Variants in EYS observed in about 807,000 individuals in gnomAD.
EYS encodes the protein protein eyes shut homolog.
In EYS, 250 loss-of-function variants were observed where a neutral mutation model predicts 282.1. The ratio of observed to expected loss-of-function variants is 0.89; its 90% CI spans 0.80 to 0.98. The LOEUF is 0.98. Ranked by LOEUF, EYS falls within the 50% of genes least tolerant of loss-of-function variation. The pLI is 0.00. For missense variants in EYS, 4,016 were observed against 3,709.0 expected, an observed-to-expected ratio of 1.08 and a Z score of -2.15; for synonymous variants, 1,355 against 1,282.9, an observed-to-expected ratio of 1.06 and a Z score of -1.20.
intron 26 of EYS, among the ~76,000 whole-genome samples, chr6:64,486,823 G>T (rs1776591379): frequency 6.6e-6 from 1 of 151,276 alleles, no homozygotes; most frequent in African/African-American, 2.4e-5. Context: ...TTTTAAGAGA[G>T]ATAACTAGGG....
intron 30 of EYS, among the ~76,000 whole-genome samples, chr6:64,275,793 A>AAAAAT (rs1330984977): frequency 2.8e-5 from 2 of 70,760 alleles, no homozygotes; most frequent in African/African-American, 1.4e-4. Context: ...GTGTCTACTA[A>AAAAAT]AAAAATAAAA....
chr6:64,753,016 A>G (rs1226398861), intron 22 of EYS, among the ~76,000 whole-genome samples: 4 of 152,150 alleles, frequency 2.6e-5, no homozygotes, highest in Admixed American at 6.5e-5. Flanking sequence ...TTAATACATG[A>G]AGGAGAAATA....
intron 2 of EYS, among the ~76,000 whole-genome samples, chr6:65,528,418 T>C (rs770798219): frequency 2.0e-5 from 3 of 152,332 alleles, no homozygotes; most frequent in South Asian, 2.1e-4. Flanking sequence ...ATGGTTTGAA[T>C]GTCTGTTGCG....
At chr6:64,816,541 C>G (rs971575428) in intron 21 of EYS, among the ~76,000 whole-genome samples, 1 of 152,082 alleles carries the variant, frequency 6.6e-6, no homozygotes, top group Non-Finnish European at 1.5e-5. Flanking sequence ...TCGTGATAGG[C>G]TTTCCCTAAC....
intron 11 of EYS, among the ~76,000 whole-genome samples, chr6:65,312,512 T>G (rs971760491): frequency 2.0e-5 from 3 of 152,138 alleles, no homozygotes; most frequent in Non-Finnish European, 2.9e-5. Context: ...ACTCTATAAG[T>G]GCCATGAAAA....
At chr6:65,483,906 C>T (rs1339139691) in intron 5 of EYS, among the ~76,000 whole-genome samples, 1 of 152,046 alleles carries the variant, frequency 6.6e-6, no homozygotes. Context: ...AAACCATCGG[C>T]TCTCGTGAGA....
chr6:64,692,976 G>GGTTTTTTTTT (rs1583048324), intron 22 of EYS, among the ~76,000 whole-genome samples: 1 of 3,068 alleles, frequency 3.3e-4, no homozygotes, highest in African/African-American at 5.7e-4. Flanking sequence ...GGCTGCTTGG[G>GGTTTTTTTTT]CTTTTTTTTT....
chr6:64,787,571 A>C (rs1774063722), intron 22 of EYS, among the ~76,000 whole-genome samples: 1 of 151,724 alleles, frequency 6.6e-6, no homozygotes, highest in African/African-American at 2.4e-5. Context: ...GCCCTTCACA[A>C]TCTAAAAATG....
At chr6:63,922,040 T>G (rs1764586936) in intron 35 of EYS, among the ~76,000 whole-genome samples, 1 of 152,144 alleles carries the variant, frequency 6.6e-6, no homozygotes, top group Non-Finnish European at 1.5e-5. Flanking sequence ...ACACACAGCC[T>G]TCGAGGAAAG....
chr6:64,288,855 T>C (rs1768595213), intron 30 of EYS, among the ~76,000 whole-genome samples: 1 of 152,108 alleles, frequency 6.6e-6, no homozygotes, highest in South Asian at 2.1e-4. Context: ...ACATAGTCGC[T>C]AAATCTAGCC....
intron 28 of EYS, among the ~76,000 whole-genome samples, chr6:64,429,620 G>T (rs1019518821): frequency 1.1e-4 from 16 of 152,126 alleles, no homozygotes; most frequent in Non-Finnish European, 2.1e-4. Context: ...GATGGAGCAG[G>T]ATTCTTTCTT....
At chr6:63,827,294 G>T (rs899293556) in intron 36 of EYS, among the ~76,000 whole-genome samples, 1 of 152,084 alleles carries the variant, frequency 6.6e-6, no homozygotes, top group Non-Finnish European at 1.5e-5. Context: ...ATAGACCTAA[G>T]AAATGAGACA....
intron 31 of EYS, among the ~76,000 whole-genome samples, chr6:64,106,284 A>G (rs1032971848): frequency 2.0e-5 from 3 of 152,132 alleles, no homozygotes; most frequent in African/African-American, 7.2e-5. Flanking sequence ...TTTAGAACTA[A>G]TTTAAGTACT....
intron 12 of EYS, among the ~76,000 whole-genome samples, chr6:65,209,162 A>G (rs1315024026): frequency 2.0e-5 from 3 of 151,862 alleles, no homozygotes; most frequent in African/African-American, 2.4e-5. Flanking sequence ...GCAAAATAAT[A>G]AAAATAATTT....
At chr6:64,387,590 G>T (rs1218605029) in intron 29 of EYS, among the ~76,000 whole-genome samples, 1 of 152,000 alleles carries the variant, frequency 6.6e-6, no homozygotes, top group African/African-American at 2.4e-5. Context: ...AATGTGACAG[G>T]AACTGTCCTT....
At chr6:64,116,483 CA>C (rs1483399960) in intron 31 of EYS, among the ~76,000 whole-genome samples, 1 of 151,946 alleles carries the variant, frequency 6.6e-6, no homozygotes, top group African/African-American at 2.4e-5. Flanking sequence ...CAGAAAGGAA[CA>C]AAGGGTTGAC....
intron 33 of EYS, among the ~76,000 whole-genome samples, chr6:64,060,921 C>A (rs1323552040): frequency 6.6e-6 from 1 of 152,164 alleles, no homozygotes; most frequent in Non-Finnish European, 1.5e-5. Flanking sequence ...CCATGCATTT[C>A]TTTACACCGA....
intron 19 of EYS, among the ~76,000 whole-genome samples, chr6:64,868,754 A>G (rs1047235198): frequency 1.3e-4 from 19 of 151,522 alleles, no homozygotes; most frequent in Non-Finnish European, 2.7e-4. Context: ...CATTACAGGA[A>G]CATATTTTTC....
intron 26 of EYS, among the ~76,000 whole-genome samples, chr6:64,537,639 T>C (rs1328455413): frequency 1.3e-5 from 2 of 152,212 alleles, no homozygotes; most frequent in African/African-American, 2.4e-5. Flanking sequence ...ACTTAACACA[T>C]AATCTCTCTT....
Sources: gnomAD v4.1 joint callset for allele counts (sites outside exome capture counted in the v4.1 genomes callset) on GRCh38, gnomAD v4.1.1 for gene constraint, MANE v1.5 for transcripts, NCBI Gene and HGNC (gene_info 2026-07-23, HGNC 2026-07-21) for gene names.